MAP3K19: variants seen among roughly 807,000 people sequenced by gnomAD.
MAP3K19 encodes the protein mitogen-activated protein kinase kinase kinase 19, also known as SPS1/STE20-related protein kinase YSK4.
MAP3K19 carries 91 observed loss-of-function variants against 114.4 expected under a neutral mutation model. The observed-to-expected ratio is 0.80, with a 90% CI of 0.67 to 0.95. The LOEUF is 0.95. MAP3K19 is among the 40% of genes least tolerant of loss of function. The probability of loss-of-function intolerance (pLI) is 0.00; values close to 1 mark genes in which losing one functional copy is unlikely to be tolerated. For missense variants in MAP3K19, 1,471 were observed against 1,573.2 expected (o/e 0.94, Z 1.10); for synonymous variants, 518 against 530.5 (o/e 0.98, Z 0.32).
At position 134,964,933 on chromosome 2, in the gene MAP3K19, A is replaced by G; in HGVS notation, c.3921-17T>C. 2 of 1,602,076 alleles carry G rather than the reference A, an allele frequency of 1.2e-6. No individual in the cohort carries two copies. The highest frequency in any genetic ancestry group is 1.7e-6 in the Non-Finnish European group (2 of 1,170,456). Reference sequence around the variant, plus strand: ...TGCTGGTCCCTAAGAAGGGAAAAACACATTAGAAGCAGCAGCACTCAGTAA... The same window carrying G: ...TGCTGGTCCCTAAGAAGGGAAAAACGCATTAGAAGCAGCAGCACTCAGTAA... On this transcript the variant is annotated splice_polypyrimidine_tract_variant and intron_variant, in intron 12 of 12. Coordinates refer to ENST00000392915, the MANE Select transcript of MAP3K19 (RefSeq NM_025052.5).
At chr2:134,975,093 G>C (rs1195961538) in intron 12 of MAP3K19, among the ~76,000 whole-genome samples, 1 of 152,188 alleles carries the variant, frequency 6.6e-6, no homozygotes. Context: ...GGTAGCAGTG[G>C]TGTGTCAAGC....
At chr2:134,978,282 G>A (rs897610540) in intron 12 of MAP3K19, among the ~76,000 whole-genome samples, 7 of 151,728 alleles carry the variant, frequency 4.6e-5, no homozygotes, top group Non-Finnish European at 1.0e-4. Context: ...AACTTCCGGG[G>A]TCAAGCGATC....
chr2:134,986,639 T>C lies in MAP3K19; in HGVS notation c.2233A>G (p.Ser745Gly). ...AGGTTGCTATGTACAGCCTTGGAAC[T>C]CTTTTCTTTAGAAATTAAGACTTTG... ...EHKVLISKEKSSKAVHSNLHD... is the reference protein window; with the variant it reads ...EHKVLISKEKGSKAVHSNLHD... The change falls in exon 10 of 13, where the codon AGT (serine) becomes GGT (glycine). Residue 745 changes from serine (S) to glycine (G), a missense_variant. Ser to Gly is a moderately conservative substitution (Grantham distance 56, BLOSUM62 0). Coordinates refer to ENST00000392915, the MANE Select transcript of MAP3K19 (RefSeq NM_025052.5). 6.2e-7 allele frequency: 1 copy of C among 1,614,224 alleles called. No individual in the cohort carries two copies. The highest frequency in any genetic ancestry group is 1.1e-5 in the South Asian group (1 of 91,078).
At chr2:135,036,637 ATGTGTGTGTG>A (rs57859657) in intron 2 of MAP3K19, among the ~76,000 whole-genome samples, 2,352 of 140,248 alleles carry the variant, frequency 0.017, 31 homozygotes, top group African/African-American at 0.04. Context: ...GTTCAACATT[ATGTGTGTGTG>A]TGTGTGTGTG....
At chr2:135,008,077 A>T (rs1686957320) in intron 5 of MAP3K19, among the ~76,000 whole-genome samples, 1 of 151,942 alleles carries the variant, frequency 6.6e-6, no homozygotes, top group South Asian at 2.1e-4. Flanking sequence ...ATTTTAATGG[A>T]ATTTAAAATT....
intron 12 of MAP3K19, among the ~76,000 whole-genome samples, chr2:134,977,150 G>A (rs1684293746): frequency 1.3e-5 from 2 of 149,280 alleles, no homozygotes; most frequent in Admixed American, 6.7e-5. Context: ...CCTTGAACTG[G>A]ATACCATTTC....
chr2:135,036,816 C>A (rs1688541997), intron 2 of MAP3K19, among the ~76,000 whole-genome samples: 1 of 151,800 alleles, frequency 6.6e-6, no homozygotes, highest in Non-Finnish European at 1.5e-5. Flanking sequence ...AGGAGGAGGT[C>A]AAGGAAGAAA....
chr2:134,979,505 A>C (rs1684472520), intron 12 of MAP3K19, among the ~76,000 whole-genome samples: 1 of 151,888 alleles, frequency 6.6e-6, no homozygotes, highest in Non-Finnish European at 1.5e-5. Context: ...AAATGAGAAT[A>C]ACAAGTGGTT....
Position 134,964,835 on chromosome 2 carries a change from A to G in MAP3K19, c.*15T>C. ...GCATCTGCAGTGGAACTGGGAAGAA[A>G]GTCTTGATGTATATTCAGTGACTTC... On this transcript the variant is annotated 3_prime_UTR_variant, in exon 13 of 13. Transcript: ENST00000392915. The G allele has an allele frequency of 6.2e-7, 1 of 1,603,738 alleles. No individual in the cohort carries two copies. Among genetic ancestry groups the G allele is most frequent in the South Asian group, 1.1e-5 (1 of 90,280 alleles).
chr2:135,018,959 C>T (rs1558734910), intron 5 of MAP3K19, among the ~76,000 whole-genome samples: 3 of 151,972 alleles, frequency 2.0e-5, no homozygotes, highest in Non-Finnish European at 4.4e-5. Context: ...GTGGTGGGCA[C>T]CTTTAATCCC....
At chr2:135,024,437 A>G (rs1688172872) in intron 4 of MAP3K19, among the ~76,000 whole-genome samples, 189 bp downstream of exon 4, 1 of 152,198 alleles carries the variant, frequency 6.6e-6, no homozygotes, top group Non-Finnish European at 1.5e-5. Flanking sequence ...CAAAAGTTTA[A>G]ACCTTGCGTT....
At chr2:135,010,139 G>A (rs564286934) in intron 5 of MAP3K19, among the ~76,000 whole-genome samples, 35 of 151,476 alleles carry the variant, frequency 2.3e-4, no homozygotes, top group Middle Eastern at 6.9e-3. Flanking sequence ...GCAAAATAAA[G>A]GGAAAGGATA....
chr2:135,008,775 A>G (rs1371652754), intron 5 of MAP3K19, among the ~76,000 whole-genome samples: 1 of 151,654 alleles, frequency 6.6e-6, no homozygotes, highest in African/African-American at 2.4e-5. Flanking sequence ...ACAGGTGTTT[A>G]TATGATTATT....
chr2:134,976,952 C>T (rs996159941), intron 12 of MAP3K19, among the ~76,000 whole-genome samples: 1 of 148,492 alleles, frequency 6.7e-6, no homozygotes. Context: ...GAGGCTGAGA[C>T]AGGAGAATTG....
At chr2:135,035,721 C>G (rs1396372828) in intron 2 of MAP3K19, among the ~76,000 whole-genome samples, 6 of 152,082 alleles carry the variant, frequency 3.9e-5, no homozygotes, top group African/African-American at 1.4e-4. Context: ...GCTTTGCATG[C>G]CTTTATGGCT....
At chr2:135,024,552 G>A (rs765993162) in intron 4 of MAP3K19, 74 bp downstream of exon 4, 4 of 1,316,544 alleles carry the variant, frequency 3.0e-6, no homozygotes, top group Non-Finnish European at 4.4e-6. Context: ...CCATCAAACA[G>A]ATGTAGAAAA....
chr2:135,018,281 CAAA>C (rs781510594), intron 5 of MAP3K19, among the ~76,000 whole-genome samples: 3 of 58,272 alleles, frequency 5.1e-5, no homozygotes, highest in Non-Finnish European at 7.1e-5. Context: ...GCAACAACAG[CAAA>C]AAAAAAAAAA....
At chr2:135,003,356 A>G (rs1426328463) in intron 6 of MAP3K19, among the ~76,000 whole-genome samples, 1 of 152,088 alleles carries the variant, frequency 6.6e-6, no homozygotes, top group African/African-American at 2.4e-5. Flanking sequence ...TTCCTTTTTA[A>G]CCCAACCAAG....
intron 3 of MAP3K19, among the ~76,000 whole-genome samples, chr2:135,025,468 C>G (rs1688224487): frequency 6.8e-6 from 1 of 146,982 alleles, no homozygotes; most frequent in African/African-American, 2.6e-5. Context: ...TCACTGCAAG[C>G]TCTGCCTCCC....
Sources: gnomAD v4.1 joint callset for allele counts (sites outside exome capture counted in the v4.1 genomes callset) on GRCh38, gnomAD v4.1.1 for gene constraint, MANE v1.5 for transcripts, NCBI Gene and HGNC (gene_info 2026-07-23, HGNC 2026-07-21) for gene names.